AGTPBP1: variants seen among roughly 807,000 people sequenced by gnomAD.
AGTPBP1 encodes the protein cytosolic carboxypeptidase 1.
Under a neutral mutation model 143.9 loss-of-function variants are expected in AGTPBP1, and 70 were observed. The observed-to-expected ratio is 0.49, with a 90% CI of 0.40 to 0.59. The LOEUF (loss-of-function observed/expected upper bound fraction) is 0.59. Ranked by LOEUF, AGTPBP1 falls within the 20% of genes least tolerant of loss-of-function variation. The pLI, the probability that AGTPBP1 is intolerant of heterozygous loss-of-function variation, is 0.00. For synonymous variants in AGTPBP1, 463 were observed against 500.2 expected (o/e 0.93, Z 0.99); for missense variants, 1,229 against 1,464.5 (o/e 0.84, Z 2.62).
chr9:85,691,861 TAA>T (rs1835899692), intron 3 of AGTPBP1, among the ~76,000 whole-genome samples: 2 of 152,058 alleles, frequency 1.3e-5, no homozygotes, highest in African/African-American at 4.8e-5. Context: ...TCACAAAATA[TAA>T]AAAAAGTCTA....
intron 2 of AGTPBP1, among the ~76,000 whole-genome samples, chr9:85,712,095 C>T (rs1837417225): frequency 6.6e-6 from 1 of 152,054 alleles, no homozygotes; most frequent in South Asian, 2.1e-4. Context: ...GAAACCCCGT[C>T]TCTACTAAAA....
At chr9:85,626,056 A>G (rs1831272701) in intron 14 of AGTPBP1, among the ~76,000 whole-genome samples, 1 of 152,028 alleles carries the variant, frequency 6.6e-6, no homozygotes, top group Admixed American at 6.6e-5. Flanking sequence ...AAAATGCACC[A>G]AAAATGCTAA....
rs764437523 is a variant in AGTPBP1 at position 85,586,862 on chromosome 9, T to C, written c.3002A>G (p.Gln1001Arg). The change falls in exon 22 of 26, where the codon CAA becomes CGA. Residue 1001 changes from glutamine to arginine, a missense_variant. This residue lies in a region of AGTPBP1 where 486 missense variants were observed against 652.3 expected (regional missense o/e 0.75). Transcript: ENST00000357081. ...TAAACGCTTCACTGCAGCCAAGTAT[T>C]GCAACAGCCCCTTAGCATGGTAAAT... ...PTIYHAKGLLQYLAAVKRLPL... is the reference protein window; with the variant it reads ...PTIYHAKGLLRYLAAVKRLPL... The C allele has an allele frequency of 5.6e-6, 9 of 1,614,022 alleles. No homozygotes were observed. The highest frequency in any genetic ancestry group is 7.6e-6 in the Non-Finnish European group (9 of 1,179,938).
At chr9:85,760,359 A>C in the AGTPBP1 span, among the ~76,000 whole-genome samples, 1 of 152,140 alleles carries the variant, frequency 6.6e-6, no homozygotes, top group Non-Finnish European at 1.5e-5. Flanking sequence ...ACATCGATGC[A>C]AAAATCCTCA....
chr9:85,656,732 T>C (rs1340735151), intron 10 of AGTPBP1, among the ~76,000 whole-genome samples: 2 of 152,152 alleles, frequency 1.3e-5, no homozygotes, highest in African/African-American at 4.8e-5. Flanking sequence ...GGCTGGCAGA[T>C]ATAGCATTCC....
At chr9:85,551,677 A>T (rs1826045662) in intron 25 of AGTPBP1, among the ~76,000 whole-genome samples, 1 of 152,194 alleles carries the variant, frequency 6.6e-6, no homozygotes. Flanking sequence ...AAGGCACAAG[A>T]CCAATCACAG....
At chr9:85,588,516 C>T in intron 20 of AGTPBP1, 38 bp from the exon 21 acceptor site, 1 of 1,586,630 alleles carries the variant, frequency 6.3e-7, no homozygotes, top group Non-Finnish European at 8.6e-7. Flanking sequence ...AAATGAACAG[C>T]TACTAAAAGT....
At chr9:85,756,688 A>G in the AGTPBP1 span, among the ~76,000 whole-genome samples, 3 of 152,214 alleles carry the variant, frequency 2.0e-5, no homozygotes, top group Non-Finnish European at 4.4e-5. Context: ...AGCTAGAAAC[A>G]AAACAACACA....
intron 17 of AGTPBP1, among the ~76,000 whole-genome samples, chr9:85,605,699 GAAT>G (rs935565409): frequency 2.0e-5 from 3 of 151,918 alleles, no homozygotes; most frequent in African/African-American, 7.2e-5. Flanking sequence ...TCAAGGCATA[GAAT>G]AATAAGATAT....
chr9:85,759,074 T>C, the AGTPBP1 span, among the ~76,000 whole-genome samples: 106 of 152,292 alleles, frequency 7.0e-4, 1 homozygote, highest in East Asian at 0.019. Flanking sequence ...GAGCTAACTA[T>C]CCTAAATGTA....
intron 1 of AGTPBP1, among the ~76,000 whole-genome samples, chr9:85,738,426 G>A (rs1290824953): frequency 6.6e-6 from 1 of 152,004 alleles, no homozygotes; most frequent in African/African-American, 2.4e-5. Context: ...AAAAGAAAAT[G>A]CTTAGATAAA....
chr9:85,687,813 G>T (rs1835576216), intron 3 of AGTPBP1, among the ~76,000 whole-genome samples: 1 of 152,096 alleles, frequency 6.6e-6, no homozygotes, highest in East Asian at 1.9e-4. Flanking sequence ...ATGGCGGCCA[G>T]GCGCGGTGGC....
chr9:85,726,488 A>G (rs537685275), intron 1 of AGTPBP1, among the ~76,000 whole-genome samples: 1 of 152,338 alleles, frequency 6.6e-6, no homozygotes, highest in Admixed American at 6.5e-5. Context: ...GTGTGAGAAT[A>G]GGGCCAAAGG....
chr9:85,773,293 G>T, the AGTPBP1 span, among the ~76,000 whole-genome samples: 8 of 92,572 alleles, frequency 8.6e-5, no homozygotes, highest in Non-Finnish European at 1.4e-4. Context: ...AAAAGAAAGT[G>T]TCATCAATTC....
the AGTPBP1 span, among the ~76,000 whole-genome samples, chr9:85,787,460 A>G: frequency 2.0e-5 from 3 of 150,384 alleles, no homozygotes; most frequent in South Asian, 2.1e-4. Context: ...TTCAAGTCTG[A>G]TATTTTTTTC....
At chr9:85,584,082 G>A (rs1426429911) in intron 23 of AGTPBP1, among the ~76,000 whole-genome samples, 2 of 151,984 alleles carry the variant, frequency 1.3e-5, no homozygotes, top group East Asian at 3.9e-4. Flanking sequence ...CTGTGCATAT[G>A]CTCTTCATCT....
chr9:85,736,844 C>A (rs772089843), intron 1 of AGTPBP1, among the ~76,000 whole-genome samples: 1 of 152,248 alleles, frequency 6.6e-6, no homozygotes, highest in Non-Finnish European at 1.5e-5. Context: ...CCATGGCTCA[C>A]GCCTCTAATC....
At chr9:85,654,211 T>C (rs1833348361) in intron 11 of AGTPBP1, among the ~76,000 whole-genome samples, 1 of 152,134 alleles carries the variant, frequency 6.6e-6, no homozygotes, top group Admixed American at 6.5e-5. Flanking sequence ...AAGAAAATAC[T>C]ATAGAAATTC....
At chr9:85,681,430 C>A in intron 3 of AGTPBP1, 95 bp from the exon 4 acceptor site, 2 of 971,636 alleles carry the variant, frequency 2.1e-6, no homozygotes, top group East Asian at 2.6e-5. Flanking sequence ...AACAAGTCTC[C>A]ACTGGTACAG....
Sources: gnomAD v4.1 joint callset for allele counts (sites outside exome capture counted in the v4.1 genomes callset) on GRCh38, gnomAD v4.1.1 for gene constraint, gnomAD v4.1.1 regional missense constraint, MANE v1.5 for transcripts, NCBI Gene and HGNC (gene_info 2026-07-23, HGNC 2026-07-21) for gene names.